The following ANKH variants were observed in gnomAD, a reference collection of about 807,000 sequenced individuals.
ANKH encodes mineralization regulator ANKH.
Under a neutral mutation model 49.0 loss-of-function variants are expected in ANKH, and 15 were observed. The ratio of observed to expected loss-of-function variants is 0.31; its 90% CI spans 0.20 to 0.47. ANKH has a LOEUF of 0.47. Ranked by LOEUF, ANKH falls within the 20% of genes least tolerant of loss-of-function variation. ANKH has a pLI of 1.00. For missense variants in ANKH, 429 were observed against 652.0 expected (o/e 0.66, Z 3.72); for synonymous variants, 273 against 260.0 (o/e 1.05, Z -0.48).
intron 7 of ANKH, among the ~76,000 whole-genome samples, chr5:14,744,236 T>A (rs550111713): frequency 9.9e-5 from 15 of 152,188 alleles, no homozygotes; most frequent in Non-Finnish European, 2.2e-4. Context: ...ACCAAAAGCA[T>A]TTCTTAGGAG....
At chr5:14,730,143 A>G (rs1398981565) in intron 8 of ANKH, among the ~76,000 whole-genome samples, 2 of 152,014 alleles carry the variant, frequency 1.3e-5, no homozygotes, top group African/African-American at 4.8e-5. Context: ...GCACACAAGG[A>G]GGGGACCTGA....
chr5:14,832,790 C>T (rs1741541294), intron 1 of ANKH, among the ~76,000 whole-genome samples: 1 of 152,096 alleles, frequency 6.6e-6, no homozygotes, highest in Admixed American at 6.5e-5. Flanking sequence ...ACAAGATTCA[C>T]AATGGGGAGA....
At chr5:14,762,863 C>G (rs1008437056) in intron 2 of ANKH, among the ~76,000 whole-genome samples, 1 of 152,214 alleles carries the variant, frequency 6.6e-6, no homozygotes, top group Non-Finnish European at 1.5e-5. Context: ...TCTAAAACAG[C>G]TTGTATTCCT....
intron 5 of ANKH, among the ~76,000 whole-genome samples, chr5:14,749,739 C>G (rs1226943172): frequency 6.6e-6 from 1 of 152,224 alleles, no homozygotes; most frequent in East Asian, 1.9e-4. Flanking sequence ...TCAGTCAGCT[C>G]ACAAAAATGT....
intron 1 of ANKH, among the ~76,000 whole-genome samples, chr5:14,838,252 T>G (rs960441130): frequency 6.6e-6 from 1 of 151,432 alleles, no homozygotes; most frequent in Non-Finnish European, 1.5e-5. Flanking sequence ...CCCTAGAACT[T>G]AAAGTATAAT....
chr5:14,798,500 T>TC, intron 1 of ANKH: 1 of 938,174 alleles, frequency 1.1e-6, no homozygotes, highest in East Asian at 2.7e-5. Flanking sequence ...TATTTTTTTT[T>TC]TTAATTAACA....
At position 14,708,129 on chromosome 5, in the gene ANKH, C is replaced by T. The variant is rs1737011610; in HGVS notation, c.*3068G>A. ...CTGACGCCCTTTGCCACTGAGATCC[C>T]TGTAAGTCACTACAGAACAAATGGC... On this transcript the variant is annotated 3_prime_UTR_variant, in exon 12 of 12. Transcript: ENST00000284268. The T allele has an allele frequency of 1.3e-5, 2 of 152,358 alleles. No individual in the cohort carries two copies. Among genetic ancestry groups the T allele is most frequent in the Admixed American group, 1.3e-4 (2 of 15,300 alleles). The allele number at this position is 152,358 out of a possible 1,614,324, so 9.4% of individuals were successfully genotyped here.
chr5:14,761,127 A>C (rs1739063174), intron 2 of ANKH, among the ~76,000 whole-genome samples: 1 of 152,138 alleles, frequency 6.6e-6, no homozygotes, highest in Non-Finnish European at 1.5e-5. Flanking sequence ...AGGAATGCCA[A>C]AGATTGCCAG....
intron 1 of ANKH, chr5:14,869,939 G>A (rs1343634321): frequency 2.6e-5 from 4 of 152,152 alleles, no homozygotes; most frequent in African/African-American, 9.7e-5. Flanking sequence ...TCTAAAATGG[G>A]CAATGTAGTA....
intron 1 of ANKH, chr5:14,871,080 C>A: frequency 3.4e-6 from 2 of 583,030 alleles, no homozygotes; most frequent in Non-Finnish European, 6.5e-6. Flanking sequence ...CATAATACTG[C>A]CGTGCACTAA....
chr5:14,714,444 C>T (rs1289014361), intron 9 of ANKH, among the ~76,000 whole-genome samples: 1 of 151,946 alleles, frequency 6.6e-6, no homozygotes, highest in Non-Finnish European at 1.5e-5. Flanking sequence ...AGGGCCTGGG[C>T]CTTGAAGAGA....
chr5:14,801,741 A>G (rs1299344854), intron 1 of ANKH, among the ~76,000 whole-genome samples: 1 of 152,238 alleles, frequency 6.6e-6, no homozygotes, highest in East Asian at 1.9e-4. Context: ...CAGGAAAACA[A>G]GAAAACAGAA....
In ANKH at chr5:14,841,257, T is replaced by C. The variant is rs535096292; in HGVS notation, c.96+30095A>G. Among the ~76,000 whole-genome samples the C allele has an allele frequency of 2.0e-5, 3 of 152,168 alleles. No homozygotes were observed. The East Asian group carries it at 5.8e-4, about 29-fold the overall frequency. On this transcript the variant is annotated intron_variant, in intron 1 of 11. Transcript: ENST00000284268. ...TGTGATAATATTTTATACTTATTTT[T>C]TAAATCATGATAAAATAGACATAAC... is the stretch of plus-strand genomic sequence containing the variant.
At chr5:14,847,505 G>A (rs1313599180) in intron 1 of ANKH, among the ~76,000 whole-genome samples, 1 of 152,204 alleles carries the variant, frequency 6.6e-6, no homozygotes, top group Non-Finnish European at 1.5e-5. Context: ...CCGTCGAGAA[G>A]GAGGGCACAT....
At chr5:14,800,932 C>T (rs1466201443) in intron 1 of ANKH, among the ~76,000 whole-genome samples, 1 of 152,018 alleles carries the variant, frequency 6.6e-6, no homozygotes, top group African/African-American at 2.4e-5. Flanking sequence ...TGGCATGATG[C>T]CCAGGCTGAT....
chr5:14,793,045 T>A (rs1193032603), intron 1 of ANKH, among the ~76,000 whole-genome samples: 7 of 44,028 alleles, frequency 1.6e-4, no homozygotes, highest in Non-Finnish European at 3.1e-4. Flanking sequence ...AAAATATATA[T>A]ATAAATATAT....
At chr5:14,764,746 T>A (rs931753462) in intron 2 of ANKH, among the ~76,000 whole-genome samples, 1 of 152,170 alleles carries the variant, frequency 6.6e-6, no homozygotes, top group African/African-American at 2.4e-5. Context: ...TAATAACCCA[T>A]GAATAATGGG....
chr5:14,787,539 C>A (rs2126538726), intron 1 of ANKH, among the ~76,000 whole-genome samples: 1 of 151,956 alleles, frequency 6.6e-6, no homozygotes, highest in African/African-American at 2.4e-5. Flanking sequence ...AGGAATGGGA[C>A]AATTATTAAC....
chr5:14,791,192 G>C (rs1740154073), intron 1 of ANKH, among the ~76,000 whole-genome samples: 1 of 152,140 alleles, frequency 6.6e-6, no homozygotes, highest in South Asian at 2.1e-4. Flanking sequence ...CCCCCTACCA[G>C]CTGTGTTATC....
Sources: allele counts gnomAD v4.1 joint callset (sites outside exome capture counted in the v4.1 genomes callset), GRCh38; gene constraint gnomAD v4.1.1; transcripts MANE v1.5; gene names NCBI Gene and HGNC (gene_info 2026-07-23, HGNC 2026-07-21).